P4HA2: variants seen among roughly 807,000 people sequenced by gnomAD.
P4HA2 encodes the protein prolyl 4-hydroxylase subunit alpha-2.
A neutral mutation model predicts 76.9 loss-of-function variants in P4HA2; 46 were observed. The ratio of observed to expected loss-of-function variants is 0.60; its 90% CI spans 0.47 to 0.76. The LOEUF is 0.76. P4HA2 is among the 30% of genes least tolerant of loss of function. The pLI is 0.00. For synonymous variants in P4HA2, 243 were observed against 254.0 expected, an observed-to-expected ratio of 0.96 and a Z score of 0.41; for missense variants, 583 against 669.4, an observed-to-expected ratio of 0.87 and a Z score of 1.42.
intron 4 of P4HA2, 28 bp from the exon 5 acceptor site, chr5:132,214,081 T>A: frequency 6.2e-7 from 1 of 1,610,836 alleles, no homozygotes; most frequent in Non-Finnish European, 8.5e-7. Flanking sequence ...GAACAAGAGA[T>A]TACCCTTGAT....
At chr5:132,218,886 C>T (rs1419503357) in intron 1 of P4HA2, among the ~76,000 whole-genome samples, 1 of 152,166 alleles carries the variant, frequency 6.6e-6, no homozygotes, top group African/African-American at 2.4e-5. Flanking sequence ...AGCCCATCCT[C>T]TCAACTCCCA....
At chr5:132,210,227 G>C in intron 6 of P4HA2, 57 bp downstream of exon 6, 2 of 1,593,254 alleles carry the variant, frequency 1.3e-6, no homozygotes, top group Non-Finnish European at 1.7e-6. Flanking sequence ...TGCCAGCACA[G>C]TGCAGTTCCT....
Position 132,218,643 on chromosome 5 carries a change from G to T in P4HA2, c.-17C>A. ...GAGTTTCATGGTCACAGAGGGAAGT[G>T]TCTGAAAGGCATTCAATGACAATCA... On this transcript the variant is annotated splice_region_variant and 5_prime_UTR_variant, in exon 2 of 15. Transcript: ENST00000360568. 6.3e-7 allele frequency: 1 copy of T among 1,590,454 alleles called. No homozygotes were observed. Among genetic ancestry groups the T allele is most frequent in the Non-Finnish European group, 8.6e-7 (1 of 1,158,518 alleles).
Position 132,192,234 on chromosome 5 carries a change from C to G in P4HA2, c.*776G>C, listed in dbSNP as rs1351571228. On this transcript the variant is annotated 3_prime_UTR_variant, in exon 15 of 15. Coordinates refer to ENST00000360568, the MANE Select transcript of P4HA2 (RefSeq NM_001017974.2). Reference sequence around the variant, plus strand: ...CCTGAGGTACTGACTTGAAAACGTTCTCTTTTCTAACTTGGTGTTGACACA... The same window carrying G: ...CCTGAGGTACTGACTTGAAAACGTTGTCTTTTCTAACTTGGTGTTGACACA... 1 of 152,172 alleles carries G rather than the reference C, an allele frequency of 6.6e-6. No individual in the cohort carries two copies. The highest frequency in any genetic ancestry group is 1.5e-5 in the Non-Finnish European group (1 of 68,028). 9.4% of individuals were successfully genotyped at this position (152,172 alleles called of 1,614,324 possible). A position where few individuals can be genotyped will look rare whatever the true frequency, so the allele number is the denominator to read the frequency against.
chr5:132,215,844 T>C (rs1313746075), intron 4 of P4HA2, among the ~76,000 whole-genome samples: 3 of 98,814 alleles, frequency 3.0e-5, no homozygotes, highest in African/African-American at 1.3e-4. Flanking sequence ...TGAGACCCTG[T>C]CCCTTTAAAA....
intron 12 of P4HA2, 69 bp downstream of exon 12, chr5:132,198,252 A>C (rs1198077014): frequency 4.3e-6 from 7 of 1,614,114 alleles, no homozygotes; most frequent in African/African-American, 1.3e-5. Context: ...TAAATGCTTG[A>C]AAGTATCTCG....
intron 14 of P4HA2, 128 bp from the exon 15 acceptor site, chr5:132,193,208 C>T: frequency 1.5e-6 from 1 of 670,830 alleles, no homozygotes; most frequent in Non-Finnish European, 2.7e-6. Flanking sequence ...GACATGATCT[C>T]AGGCCTCAAT....
intron 5 of P4HA2, among the ~76,000 whole-genome samples, chr5:132,213,342 G>T (rs951804983): frequency 7.2e-5 from 11 of 152,022 alleles, no homozygotes; most frequent in Non-Finnish European, 1.6e-4. Flanking sequence ...AAAATGGACA[G>T]AGTGTAGATT....
chr5:132,207,660 G>T, intron 8 of P4HA2, 48 bp downstream of exon 8: 1 of 1,544,426 alleles, frequency 6.5e-7, no homozygotes, highest in South Asian at 1.1e-5. Flanking sequence ...ATGAGAAAAA[G>T]GACCTTCCCC....
intron 6 of P4HA2, 42 bp from the exon 7 acceptor site, chr5:132,209,373 C>T (rs776362857): frequency 1.4e-6 from 2 of 1,481,240 alleles, no homozygotes; most frequent in Admixed American, 3.5e-5. Flanking sequence ...AAACCACAAA[C>T]ATCTGTTAGG....
intron 1 of P4HA2, among the ~76,000 whole-genome samples, chr5:132,225,065 A>C (rs999352045): frequency 1.3e-5 from 2 of 152,032 alleles, no homozygotes; most frequent in African/African-American, 2.4e-5. Flanking sequence ...AAAAAAAAAA[A>C]AAAACTGTCT....
intron 7 of P4HA2, 104 bp from the exon 8 acceptor site, chr5:132,207,988 TC>T: frequency 1.2e-6 from 1 of 825,488 alleles, no homozygotes; most frequent in South Asian, 1.9e-5. Context: ...CAGCAGCTGC[TC>T]CCTCCCACCA....
Position 132,217,739 on chromosome 5 carries a change from G to A in P4HA2, c.179+13C>T, listed in dbSNP as rs768446709. The A allele has an allele frequency of 6.3e-5, 96 of 1,512,648 alleles. No individual in the cohort carries two copies. Among genetic ancestry groups the A allele is most frequent in the Non-Finnish European group, 8.7e-5 (95 of 1,087,660 alleles). 93.7% of individuals were successfully genotyped at this position (1,512,648 alleles called of 1,614,324 possible). A position where few individuals can be genotyped will look rare whatever the true frequency, so the allele number is the denominator to read the frequency against. On this transcript the variant is annotated intron_variant, in intron 3 of 14. Coordinates refer to ENST00000360568, the MANE Select transcript of P4HA2 (RefSeq NM_001017974.2). ...AGGAAGGCCAACTAAGGATGGTTGG[G>A]GACTTAGGACACCTCTTAATCTTGG...
At chr5:132,224,014 A>C (rs764290831) in intron 1 of P4HA2, among the ~76,000 whole-genome samples, 1 of 152,242 alleles carries the variant, frequency 6.6e-6, no homozygotes, top group Non-Finnish European at 1.5e-5. Flanking sequence ...GTTACACCAA[A>C]GGTTCATAAA....
chr5:132,203,424 T>C (rs893295283), intron 10 of P4HA2: 2 of 306,858 alleles, frequency 6.5e-6, no homozygotes, highest in Admixed American at 4.2e-5. Flanking sequence ...TTAGCTCTCT[T>C]AGAGATGTCC....
At chr5:132,221,347 G>A (rs1175993944) in intron 1 of P4HA2, among the ~76,000 whole-genome samples, 1 of 152,212 alleles carries the variant, frequency 6.6e-6, no homozygotes, top group East Asian at 1.9e-4. Context: ...TATCTGTGCT[G>A]CATCCCCAGA....
intron 4 of P4HA2, among the ~76,000 whole-genome samples, chr5:132,216,251 C>T (rs1580731520): frequency 6.6e-6 from 1 of 151,684 alleles, no homozygotes. Flanking sequence ...CCAGGCCCAC[C>T]GTACCATCTC....
At chr5:132,193,983 G>A (rs1421914303) in intron 14 of P4HA2, among the ~76,000 whole-genome samples, 1 of 151,984 alleles carries the variant, frequency 6.6e-6, no homozygotes, top group Non-Finnish European at 1.5e-5. Context: ...TCCACTCCCA[G>A]GGAACATTAA....
intron 9 of P4HA2, 114 bp downstream of exon 9, chr5:132,203,968 G>A: frequency 8.9e-7 from 1 of 1,127,204 alleles, no homozygotes; most frequent in Non-Finnish European, 1.4e-6. Flanking sequence ...CTGCTGCAAG[G>A]GGGTGAGGAG....
Sources: allele counts gnomAD v4.1 joint callset (sites outside exome capture counted in the v4.1 genomes callset), GRCh38; gene constraint gnomAD v4.1.1; transcripts MANE v1.5; gene names NCBI Gene and HGNC (gene_info 2026-07-23, HGNC 2026-07-21).